The following FAM120C variants were observed in gnomAD, a reference collection of about 807,000 sequenced individuals.
FAM120C encodes the protein constitutive coactivator of PPAR-gamma-like protein 2.
Under a neutral mutation model 71.2 loss-of-function variants are expected in FAM120C, and 14 were observed. The observed-to-expected ratio is 0.20, with a 90% CI of 0.13 to 0.31. The LOEUF (loss-of-function observed/expected upper bound fraction) is 0.31. Among genes scored for constraint, FAM120C ranks in the 10% least tolerant of loss-of-function variants. The probability of loss-of-function intolerance (pLI) is 1.00; values close to 1 mark genes in which losing one functional copy is unlikely to be tolerated. For missense variants in FAM120C, 500 were observed against 879.0 expected (o/e 0.57, Z 5.45); for synonymous variants, 354 against 353.2 (o/e 1.00, Z -0.03).
intron 4 of FAM120C, among the ~76,000 whole-genome samples, chrX:54,148,058 C>T (rs1013271278): frequency 9.0e-6 from 1 of 111,212 alleles, no homozygotes; most frequent in Non-Finnish European, 1.9e-5. Context: ...GTCATGCCTG[C>T]GGTTGGGCAA....
At position 54,071,995 on chromosome X, in the gene FAM120C, TACAC is replaced by T. The variant is rs1569531141; in HGVS notation, c.*1034_*1037del. On this transcript the variant is annotated 3_prime_UTR_variant, in exon 16 of 16. Transcript: ENST00000375180. ...GTGTATATATGTGTGTATATATATA[TACAC>T]ACATATATACACACATACACACACA... The T allele has an allele frequency of 2.9e-5, 3 of 103,558 alleles. No homozygotes were observed. Among genetic ancestry groups the T allele is most frequent in the Non-Finnish European group, 3.9e-5 (2 of 50,778 alleles). The allele number at this position is 103,558 out of a possible 1,213,427, so 8.5% of individuals were successfully genotyped here.
Position 54,158,314 on chromosome X carries a change from A to G in FAM120C, c.947-543T>C, listed in dbSNP as rs187253278. On this transcript the variant is annotated intron_variant, in intron 2 of 15. Coordinates refer to ENST00000375180, the MANE Select transcript of FAM120C (RefSeq NM_017848.6). ...GATTTGCCAATGGCCTAATTCCAAA[A>G]CTTGTGCTGACTCCACTATATTATC... Among the ~76,000 whole-genome samples the G allele has an allele frequency of 1.4e-3, 162 of 112,192 alleles. 1 individual carries two copies. Among genetic ancestry groups the G allele is most frequent in the African/African-American group, 5.1e-3 (158 of 30,930 alleles).
At chrX:54,127,900 CTT>C (rs1207413065) in intron 9 of FAM120C, among the ~76,000 whole-genome samples, 10 of 110,563 alleles carry the variant, frequency 9.0e-5, no homozygotes, top group African/African-American at 3.3e-4. Flanking sequence ...GCCCAGGTAT[CTT>C]TTTTGATATA....
intron 3 of FAM120C, among the ~76,000 whole-genome samples, chrX:54,153,020 A>C (rs1418417743): frequency 1.8e-5 from 2 of 111,585 alleles, no homozygotes; most frequent in African/African-American, 6.5e-5. Flanking sequence ...ACATGGTGAA[A>C]CCCCGTCTCT....
intron 1 of FAM120C, among the ~76,000 whole-genome samples, chrX:54,172,269 T>C (rs2516036): frequency 0.19 from 21,075 of 111,553 alleles, 3,055 homozygotes; most frequent in African/African-American, 0.51. Flanking sequence ...ATCTTGAGTA[T>C]CATGTTCAAC....
intron 10 of FAM120C, among the ~76,000 whole-genome samples, chrX:54,102,235 C>T (rs1383788470): frequency 9.6e-6 from 1 of 104,468 alleles, no homozygotes; most frequent in African/African-American, 3.4e-5. Context: ...CTATGTTGCC[C>T]AAGCTGGTCT....
chrX:54,179,402 GCACTGACATTCAGT>G (rs2067335228), intron 1 of FAM120C, among the ~76,000 whole-genome samples: 1 of 111,936 alleles, frequency 8.9e-6, no homozygotes, highest in African/African-American at 3.2e-5. Context: ...TTGTTCTGAG[GCACTGACATTCAGT>G]CAAAAGAAAT....
At chrX:54,163,148 G>C (rs1336655532) in intron 1 of FAM120C, among the ~76,000 whole-genome samples, 1 of 111,872 alleles carries the variant, frequency 8.9e-6, no homozygotes, top group Non-Finnish European at 1.9e-5. Context: ...TATCTCATAT[G>C]ATCCAATGAT....
Position 54,087,733 on chromosome X carries a change from TAGC to T in FAM120C, c.2637+19_2637+21del, listed in dbSNP as rs782656264. 5.8e-6 allele frequency: 7 copies of T among 1,199,602 alleles called. No homozygotes were observed. In the South Asian group the frequency reaches 1.1e-4, roughly 18 times the overall value. On this transcript the variant is annotated intron_variant, in intron 12 of 15. Transcript: ENST00000375180. ...CCCACAGGAGATCAGAGCTAGTCCT[TAGC>T]AGCCTGACATGCTGGTACCTGGCCA...
At chrX:54,128,600 C>A (rs1248692783) in intron 9 of FAM120C, among the ~76,000 whole-genome samples, 2 of 110,721 alleles carry the variant, frequency 1.8e-5, no homozygotes, top group Admixed American at 1.9e-4. Flanking sequence ...TCTGGTTTTC[C>A]TAGGCAAAGG....
intron 1 of FAM120C, among the ~76,000 whole-genome samples, chrX:54,169,962 A>G (rs1603364947): frequency 8.9e-6 from 1 of 111,799 alleles, no homozygotes; most frequent in East Asian, 2.8e-4. Flanking sequence ...TCAAGGAAAC[A>G]TTGATAAAGT....
intron 1 of FAM120C, among the ~76,000 whole-genome samples, chrX:54,170,657 G>T (rs2067282991): frequency 8.9e-6 from 1 of 111,943 alleles, no homozygotes; most frequent in African/African-American, 3.2e-5. Flanking sequence ...AGTTTGTGGG[G>T]ACAAGTCACT....
At position 54,091,293 on chromosome X, in the gene FAM120C, T is replaced by G; in HGVS notation, c.2427+19A>C. Reference sequence around the variant, plus strand: ...AAGCTCATAAAAGAAAGAACTTAAATGAGGGTACATGAACTCACCTTGAGT... The same window carrying G: ...AAGCTCATAAAAGAAAGAACTTAAAGGAGGGTACATGAACTCACCTTGAGT... On this transcript the variant is annotated intron_variant, in intron 11 of 15. Transcript: ENST00000375180. The G allele has an allele frequency of 5.3e-5, 58 of 1,093,750 alleles. No individual in the cohort carries two copies. Among genetic ancestry groups the G allele is most frequent in the Non-Finnish European group, 6.4e-5 (51 of 792,202 alleles). 90.1% of individuals were successfully genotyped at this position (1,093,750 alleles called of 1,213,427 possible).
At chrX:54,132,658 C>G in intron 9 of FAM120C, 34 bp downstream of exon 9, 1 of 1,142,682 alleles carries the variant, frequency 8.8e-7, no homozygotes, top group Non-Finnish European at 1.2e-6. Flanking sequence ...GTGTCAAGTG[C>G]TGAGAGAATT....
At chrX:54,158,993 C>T (rs2067223425) in intron 2 of FAM120C, among the ~76,000 whole-genome samples, 1 of 111,561 alleles carries the variant, frequency 9.0e-6, no homozygotes, top group Non-Finnish European at 1.9e-5. Context: ...TTTGTCTTTC[C>T]GATCTAAATT....
intron 4 of FAM120C, among the ~76,000 whole-genome samples, chrX:54,140,484 G>A: frequency 9.4e-6 from 1 of 105,886 alleles, no homozygotes; most frequent in Non-Finnish European, 1.9e-5. Flanking sequence ...GCCAGGCGTG[G>A]TGGCGGACAC....
chrX:54,072,951 T>C lies in FAM120C; in HGVS notation c.*82A>G. 2 of 1,085,834 alleles carry C rather than the reference T, an allele frequency of 1.8e-6. No homozygotes were observed. The highest frequency in any genetic ancestry group is 2.5e-6 in the Non-Finnish European group (2 of 816,039). The allele number at this position is 1,085,834 out of a possible 1,213,427, so 89.5% of individuals were successfully genotyped here. A position where few individuals can be genotyped will look rare whatever the true frequency, so the allele number is the denominator to read the frequency against. On this transcript the variant is annotated 3_prime_UTR_variant, in exon 16 of 16. Transcript: ENST00000375180. ...TGGAGAAATCTAGGGTAAGCATTTATATCCTCCTCTAGCTTGGGCCTAAAA... is the reference window on the plus strand; with the variant it reads ...TGGAGAAATCTAGGGTAAGCATTTACATCCTCCTCTAGCTTGGGCCTAAAA...
Position 54,118,296 on chromosome X carries a change from T to C in FAM120C, c.2063-1502A>G, listed in dbSNP as rs987066176. 2.7e-5 allele frequency among the ~76,000 whole-genome samples: 3 copies of C among 110,668 alleles called. No homozygotes were observed. In the Admixed American group the frequency reaches 2.9e-4, roughly 11 times the overall value. On this transcript the variant is annotated intron_variant, in intron 9 of 15. Coordinates refer to ENST00000375180, the MANE Select transcript of FAM120C (RefSeq NM_017848.6). Reference sequence around the variant, plus strand: ...AGATCCATCCATGTTGCTGCATGTATCGATAGTACATTCTTTTTTTTGCTG... The same window carrying C: ...AGATCCATCCATGTTGCTGCATGTACCGATAGTACATTCTTTTTTTTGCTG...
chrX:54,085,325 C>T (rs1229535305), intron 13 of FAM120C, among the ~76,000 whole-genome samples: 1 of 112,141 alleles, frequency 8.9e-6, no homozygotes, highest in Non-Finnish European at 1.9e-5. Flanking sequence ...CTGTGGCTCA[C>T]GCCTGTAATC....
Sources: allele counts gnomAD v4.1 joint callset (sites outside exome capture counted in the v4.1 genomes callset), GRCh38; gene constraint gnomAD v4.1.1; transcripts MANE v1.5; gene names NCBI Gene and HGNC (gene_info 2026-07-23, HGNC 2026-07-21).